Variants in PRRX2 observed in about 807,000 individuals in gnomAD.
PRRX2 encodes the protein paired mesoderm homeobox protein 2.
A neutral mutation model predicts 18.0 loss-of-function variants in PRRX2; 11 were observed. The observed-to-expected ratio is 0.61, with a 90% CI of 0.39 to 1.01. PRRX2 has a LOEUF of 1.01. Among genes scored for constraint, PRRX2 ranks in the 50% least tolerant of loss-of-function variants. PRRX2 has a pLI of 0.01. For synonymous variants in PRRX2, 177 were observed against 154.8 expected (o/e 1.14, Z -1.06); for missense variants, 387 against 351.0 (o/e 1.10, Z -0.82).
rs151273196 is a variant in PRRX2 at position 129,705,229 on chromosome 9, A to AC, written c.260-13997dup. On this transcript the variant is annotated intron_variant, in intron 1 of 3. Coordinates refer to ENST00000372469, the MANE Select transcript of PRRX2 (RefSeq NM_016307.4). The stretch of plus-strand genomic sequence containing the variant: ...ATAGAGAGACTGAGCTGGACTTGGG[A>AC]CCCCCAGCTCCTAGTGCAGAGGGAG... Among the ~76,000 whole-genome samples, 411 of 129,652 alleles carry AC rather than the reference A, an allele frequency of 3.2e-3. 7 individuals are homozygous for AC. The East Asian group carries it at 0.086, about 27-fold the overall frequency. 85.1% of individuals were successfully genotyped at this position (129,652 alleles called of 152,430 possible).
chr9:129,677,473 C>T (rs1832174002), intron 1 of PRRX2, among the ~76,000 whole-genome samples: 1 of 152,178 alleles, frequency 6.6e-6, no homozygotes, highest in Non-Finnish European at 1.5e-5. Flanking sequence ...TGGGGGAGGC[C>T]CAGGAGGGAT....
chr9:129,672,019 G>C (rs1490636248), intron 1 of PRRX2, among the ~76,000 whole-genome samples: 1 of 152,138 alleles, frequency 6.6e-6, no homozygotes, highest in Non-Finnish European at 1.5e-5. Context: ...AGGAAGGAAG[G>C]TTTGCGGTGG....
At chr9:129,692,269 G>A (rs1026645689) in intron 1 of PRRX2, among the ~76,000 whole-genome samples, 2 of 151,954 alleles carry the variant, frequency 1.3e-5, no homozygotes, top group African/African-American at 4.8e-5. Flanking sequence ...TTTTTTTAGA[G>A]CAGTTTTAGA....
At chr9:129,714,488 G>A (rs183834254) in intron 1 of PRRX2, among the ~76,000 whole-genome samples, 19 of 152,044 alleles carry the variant, frequency 1.2e-4, no homozygotes, top group South Asian at 4.2e-4. Context: ...GTGGCCACAC[G>A]TGGAGCACTT....
chr9:129,721,362 C>T lies in PRRX2; in HGVS notation c.626+588C>T, dbSNP rs552709340. ...AAAGCTGGAAAGACTCTGACATGGT[C>T]GGCAGGAGGTGCTCGAGAGTCGGGC... is the stretch of plus-strand genomic sequence containing the variant. On this transcript the variant is annotated intron_variant, in intron 3 of 3. Transcript: ENST00000372469. Among the ~76,000 whole-genome samples, 236 of 152,174 alleles carry T rather than the reference C, an allele frequency of 1.6e-3. 1 individual carries two copies. The highest frequency in any genetic ancestry group is 5.5e-3 in the African/African-American group (229 of 41,504).
chr9:129,701,315 T>C (rs1832492940), intron 1 of PRRX2, among the ~76,000 whole-genome samples: 1 of 152,160 alleles, frequency 6.6e-6, no homozygotes, highest in African/African-American at 2.4e-5. Flanking sequence ...CATAAAATGG[T>C]GAGGTCATGG....
At chr9:129,697,883 C>T (rs1042990380) in intron 1 of PRRX2, among the ~76,000 whole-genome samples, 2 of 152,012 alleles carry the variant, frequency 1.3e-5, no homozygotes, top group African/African-American at 4.8e-5. Context: ...AATTCTGAGT[C>T]AGAGCTTCCC....
At chr9:129,685,938 C>G (rs368063536) in intron 1 of PRRX2, among the ~76,000 whole-genome samples, 1 of 152,178 alleles carries the variant, frequency 6.6e-6, no homozygotes, top group Non-Finnish European at 1.5e-5. Context: ...CAGACCCCCA[C>G]GCCTTTCTGG....
chr9:129,715,879 T>C lies in PRRX2; in HGVS notation c.260-3352T>C, dbSNP rs1832700574. On this transcript the variant is annotated intron_variant, in intron 1 of 3. Transcript: ENST00000372469. This position sits in a 1 kb window ranked among gnomAD's most constrained non-coding sequence, Gnocchi z 4.0. ...CAGTAAACCCTCCTAACCTGGGAAC[T>C]GATTAAAAGCAGATATTCAGCAGTA... Among the ~76,000 whole-genome samples, 1 of 151,924 alleles carries C rather than the reference T, an allele frequency of 6.6e-6. No individual in the cohort carries two copies. Among genetic ancestry groups the C allele is most frequent in the Non-Finnish European group, 1.5e-5 (1 of 67,996 alleles).
At position 129,715,489 on chromosome 9, in the gene PRRX2, G is replaced by A. The variant is rs1832692174; in HGVS notation, c.260-3742G>A. ...ACCTGTAGTCCCAGCTACTTGGGAG[G>A]CTGAGGTGGGGGAATTGCTTGAGCC... On this transcript the variant is annotated intron_variant, in intron 1 of 3. Coordinates refer to ENST00000372469, the MANE Select transcript of PRRX2 (RefSeq NM_016307.4). This position sits in a 1 kb window ranked among gnomAD's most constrained non-coding sequence, Gnocchi z 4.0. Among the ~76,000 whole-genome samples, 1 of 152,136 alleles carries A rather than the reference G, an allele frequency of 6.6e-6. No individual in the cohort carries two copies. Among genetic ancestry groups the A allele is most frequent in the Admixed American group, 6.6e-5 (1 of 15,256 alleles).
At chr9:129,669,696 C>T (rs1832076629) in intron 1 of PRRX2, among the ~76,000 whole-genome samples, 1 of 152,106 alleles carries the variant, frequency 6.6e-6, no homozygotes, top group South Asian at 2.1e-4. Context: ...AGGTGGGAGC[C>T]CTCGAGGGGC....
In PRRX2 at chr9:129,715,835, CAGTT is replaced by C. The variant is rs1832700195; in HGVS notation, c.260-3395_260-3392del. Among the ~76,000 whole-genome samples, 1 of 151,472 alleles carries C rather than the reference CAGTT, an allele frequency of 6.6e-6. No individual in the cohort carries two copies. Among genetic ancestry groups the C allele is most frequent in the Non-Finnish European group, 1.5e-5 (1 of 67,940 alleles). On this transcript the variant is annotated intron_variant, in intron 1 of 3. Coordinates refer to ENST00000372469, the MANE Select transcript of PRRX2 (RefSeq NM_016307.4). This position sits in a 1 kb window ranked among gnomAD's most constrained non-coding sequence, Gnocchi z 4.0. ...GGAGCAATTTAACCTTACATCAAAT[CAGTT>C]GGTTGCTCAAGAGTCAGTAAACCCT...
Position 129,671,980 on chromosome 9 carries a change from A to G in PRRX2, c.259+5854A>G, listed in dbSNP as rs568207451. Among the ~76,000 whole-genome samples the G allele has an allele frequency of 7.9e-5, 12 of 152,052 alleles. No individual in the cohort carries two copies. The highest frequency in any genetic ancestry group is 1.9e-4 in the East Asian group (1 of 5,162). ...GCAGCACGGAACGGGCTCTGTGCCTATGTTAGGCGTTTCTGAGTAGGTGGG... is the reference window on the plus strand; with the variant it reads ...GCAGCACGGAACGGGCTCTGTGCCTGTGTTAGGCGTTTCTGAGTAGGTGGG... On this transcript the variant is annotated intron_variant, in intron 1 of 3. Coordinates refer to ENST00000372469, the MANE Select transcript of PRRX2 (RefSeq NM_016307.4). This position sits in a 1 kb window ranked among gnomAD's most constrained non-coding sequence, Gnocchi z 4.0.
At chr9:129,719,604 G>A (rs921861393) in intron 2 of PRRX2, among the ~76,000 whole-genome samples, 186 bp downstream of exon 2, 1 of 152,270 alleles carries the variant, frequency 6.6e-6, no homozygotes, top group South Asian at 2.1e-4. Context: ...AGTGACTTAA[G>A]CTGTCTGTGC....
intron 1 of PRRX2, among the ~76,000 whole-genome samples, chr9:129,674,170 G>C (rs1020266570): frequency 6.6e-6 from 1 of 152,156 alleles, no homozygotes; most frequent in African/African-American, 2.4e-5. Context: ...GCTGCCCTGA[G>C]CCCGGGTCCA....
chr9:129,682,275 G>C (rs1250808962), intron 1 of PRRX2, among the ~76,000 whole-genome samples: 1 of 152,080 alleles, frequency 6.6e-6, no homozygotes, highest in African/African-American at 2.4e-5. Flanking sequence ...CAGAGAGATA[G>C]GAAGCACTTC....
chr9:129,706,886 C>A (rs111476786), intron 1 of PRRX2, among the ~76,000 whole-genome samples: 7 of 152,172 alleles, frequency 4.6e-5, no homozygotes, highest in Admixed American at 2.0e-4. Flanking sequence ...TCACTGCAGT[C>A]CCCCCAGCCC....
chr9:129,700,453 CT>C (rs1490701141), intron 1 of PRRX2, among the ~76,000 whole-genome samples: 1 of 151,552 alleles, frequency 6.6e-6, no homozygotes, highest in East Asian at 1.9e-4. Flanking sequence ...CCTCAGGCTC[CT>C]GAGTAGCTGG....
chr9:129,696,532 C>A (rs1832424799), intron 1 of PRRX2, among the ~76,000 whole-genome samples: 1 of 152,112 alleles, frequency 6.6e-6, no homozygotes, highest in African/African-American at 2.4e-5. Flanking sequence ...GCCCAGATCG[C>A]GCCGCTGCAC....
Sources: allele counts gnomAD v4.1 joint callset (sites outside exome capture counted in the v4.1 genomes callset), GRCh38; gene constraint gnomAD v4.1.1; non-coding constraint Gnocchi (gnomAD v3.1); transcripts MANE v1.5; gene names NCBI Gene and HGNC (gene_info 2026-07-23, HGNC 2026-07-21).